TPX2: variants seen among roughly 807,000 people sequenced by gnomAD.
The protein encoded by TPX2 is TPX2 microtubule nucleation factor.
In TPX2, 21 loss-of-function variants were observed where a neutral mutation model predicts 93.6. The observed-to-expected ratio is 0.22, with a 90% CI of 0.16 to 0.32. The LOEUF (loss-of-function observed/expected upper bound fraction) is 0.32, where lower values mean the gene tolerates loss of function less well. Ranked by LOEUF, TPX2 falls within the 10% of genes least tolerant of loss-of-function variation. The probability of loss-of-function intolerance (pLI) is 1.00; values close to 1 mark genes in which losing one functional copy is unlikely to be tolerated. For missense variants in TPX2, 776 were observed against 871.1 expected, an observed-to-expected ratio of 0.89 and a Z score of 1.37; for synonymous variants, 281 against 298.3, an observed-to-expected ratio of 0.94 and a Z score of 0.60.
At chr20:31,768,052 C>A (rs1444346475) in intron 5 of TPX2, among the ~76,000 whole-genome samples, 3 of 151,722 alleles carry the variant, frequency 2.0e-5, no homozygotes, top group Non-Finnish European at 4.4e-5. Flanking sequence ...CTGCCTTAGC[C>A]TCCTGAGTAG....
chr20:31,754,051 CAAT>C lies in TPX2; in HGVS notation c.-70-3353_-70-3351del, dbSNP rs2061836627. On this transcript the variant is annotated intron_variant, in intron 2 of 17. Transcript: ENST00000300403. ...AAACAAAACAAAACAAAAACAACAA[CAAT>C]AACAGATGTTTCTGAGACACTATAA... Among the ~76,000 whole-genome samples the C allele has an allele frequency of 2.6e-5, 4 of 151,960 alleles. No individual in the cohort carries two copies. The South Asian group carries it at 8.3e-4, about 32-fold the overall frequency.
chr20:31,776,545 G>A (rs1254564833), intron 8 of TPX2, among the ~76,000 whole-genome samples: 1 of 148,262 alleles, frequency 6.7e-6, no homozygotes, highest in Non-Finnish European at 1.5e-5. Flanking sequence ...TTTTTTCTGA[G>A]ACAGAGTTTT....
At chr20:31,755,923 A>G (rs2061848824) in intron 2 of TPX2, among the ~76,000 whole-genome samples, 1 of 152,214 alleles carries the variant, frequency 6.6e-6, no homozygotes, top group African/African-American at 2.4e-5. Flanking sequence ...TCCACAAGAT[A>G]GAGTGCAAAA....
intron 1 of TPX2, among the ~76,000 whole-genome samples, chr20:31,740,778 T>G (rs2061749017): frequency 6.6e-6 from 1 of 152,208 alleles, no homozygotes; most frequent in Non-Finnish European, 1.5e-5. Context: ...GTTTCTGTGC[T>G]TCACAAAGCC....
At chr20:31,756,081 A>G (rs1486610442) in intron 2 of TPX2, among the ~76,000 whole-genome samples, 1 of 152,248 alleles carries the variant, frequency 6.6e-6, no homozygotes, top group Non-Finnish European at 1.5e-5. Context: ...TATTTCTAAG[A>G]AAAGACAACT....
At chr20:31,768,402 A>AT (rs71272861) in intron 5 of TPX2, among the ~76,000 whole-genome samples, 39,771 of 140,288 alleles carry the variant, frequency 0.28, 6,280 homozygotes, top group Non-Finnish European at 0.37. Flanking sequence ...CGCGCGGCTA[A>AT]TTTTTTTTTT....
At chr20:31,782,876 G>GCACATACA (rs1480554679) in intron 11 of TPX2, among the ~76,000 whole-genome samples, 1 of 133,908 alleles carries the variant, frequency 7.5e-6, no homozygotes. Flanking sequence ...AGACTGTCTT[G>GCACATACA]CACATACACA....
chr20:31,769,209 A>C (rs748570022), intron 5 of TPX2, among the ~76,000 whole-genome samples: 1 of 76,524 alleles, frequency 1.3e-5, no homozygotes, highest in African/African-American at 8.4e-5. Context: ...GTATAATAAT[A>C]AAAAAAAAAA....
chr20:31,799,767 G>A (rs961272370), intron 17 of TPX2, among the ~76,000 whole-genome samples: 24 of 151,772 alleles, frequency 1.6e-4, no homozygotes, highest in Admixed American at 1.3e-3. Flanking sequence ...GGGCATGGTG[G>A]CACGCACCTG....
intron 13 of TPX2, among the ~76,000 whole-genome samples, chr20:31,793,267 C>T (rs185749141): frequency 1.8e-4 from 28 of 152,234 alleles, no homozygotes; most frequent in African/African-American, 6.3e-4. Flanking sequence ...CTGTGGTGAT[C>T]GTTTATGGAA....
At chr20:31,752,996 G>A (rs1568921907) in intron 2 of TPX2, among the ~76,000 whole-genome samples, 4 of 152,014 alleles carry the variant, frequency 2.6e-5, no homozygotes, top group Admixed American at 2.0e-4. Flanking sequence ...ACAGCTTATG[G>A]CCCCTAGCAA....
chr20:31,794,167 A>G (rs1288344650), intron 14 of TPX2, 143 bp downstream of exon 14: 1 of 1,086,178 alleles, frequency 9.2e-7, no homozygotes, highest in African/African-American at 1.6e-5. Context: ...TGGGACAAGT[A>G]ATTTAAATAA....
chr20:31,794,629 C>A, intron 15 of TPX2, 81 bp downstream of exon 15: 1 of 1,537,468 alleles, frequency 6.5e-7, no homozygotes. Context: ...CTGAAATCAC[C>A]TGGGTTAACA....
chr20:31,767,042 C>T (rs1328780899), intron 5 of TPX2, among the ~76,000 whole-genome samples: 1 of 151,840 alleles, frequency 6.6e-6, no homozygotes, highest in Non-Finnish European at 1.5e-5. Context: ...CCTCAGGTGA[C>T]CCACCCGCCT....
At chr20:31,756,019 C>T (rs767429049) in intron 2 of TPX2, among the ~76,000 whole-genome samples, 5 of 152,120 alleles carry the variant, frequency 3.3e-5, no homozygotes, top group Non-Finnish European at 7.4e-5. Flanking sequence ...GTGACTCTTA[C>T]GTGTATTTCA....
chr20:31,798,902 T>A (rs1030384838), intron 17 of TPX2, among the ~76,000 whole-genome samples: 35 of 152,260 alleles, frequency 2.3e-4, no homozygotes, highest in Non-Finnish European at 5.0e-4. Flanking sequence ...GAAGTTTTCA[T>A]AAGGAGGACA....
intron 11 of TPX2, among the ~76,000 whole-genome samples, chr20:31,782,909 C>T (rs1309702881): frequency 2.0e-5 from 3 of 151,582 alleles, no homozygotes; most frequent in Non-Finnish European, 2.9e-5. Flanking sequence ...CACACACACA[C>T]ACACACACAC....
intron 8 of TPX2, 23 bp downstream of exon 8, chr20:31,776,011 C>A: frequency 1.5e-6 from 2 of 1,311,240 alleles, no homozygotes; most frequent in Middle Eastern, 2.4e-4. Context: ...GTGGTTGAGT[C>A]TGATTCATGA....
intron 2 of TPX2, among the ~76,000 whole-genome samples, chr20:31,747,829 AC>A (rs1172797518): frequency 7.5e-6 from 1 of 133,394 alleles, no homozygotes; most frequent in African/African-American, 2.9e-5. Flanking sequence ...TGATTAAGGG[AC>A]GCAGGAAGGC....
Sources: gnomAD v4.1 joint callset for allele counts (sites outside exome capture counted in the v4.1 genomes callset) on GRCh38, gnomAD v4.1.1 for gene constraint, MANE v1.5 for transcripts, NCBI Gene and HGNC (gene_info 2026-07-23, HGNC 2026-07-21) for gene names.